The following N4BP2 variants were observed in gnomAD, a reference collection of about 807,000 sequenced individuals.
The protein encoded by N4BP2 is NEDD4 binding protein 2.
N4BP2 carries 91 observed loss-of-function variants against 152.8 expected under a neutral mutation model. The observed-to-expected ratio is 0.60, with a 90% CI of 0.50 to 0.71. The LOEUF is 0.71. Among genes scored for constraint, N4BP2 ranks in the 30% least tolerant of loss-of-function variants. N4BP2 has a pLI of 0.00. For missense variants in N4BP2, 1,923 were observed against 2,059.1 expected (o/e 0.93, Z 1.28); for synonymous variants, 646 against 705.3 (o/e 0.92, Z 1.33).
chr4:40,128,539 G>GTTT (rs11423243), intron 12 of N4BP2, among the ~76,000 whole-genome samples: 3 of 145,082 alleles, frequency 2.1e-5, no homozygotes, highest in East Asian at 4.0e-4. Context: ...TCTTCTTTCT[G>GTTT]TTTTTTTTTT....
At chr4:40,113,825 C>G (rs1317982084) in intron 7 of N4BP2, among the ~76,000 whole-genome samples, 5 of 152,150 alleles carry the variant, frequency 3.3e-5, no homozygotes, top group Admixed American at 6.6e-5. Flanking sequence ...CTCCTGGCCT[C>G]AAGCGATCCT....
rs2109994734 is a variant in N4BP2 at position 40,120,401 on chromosome 4, A to C, written c.2290A>C (p.Lys764Gln). The C allele has an allele frequency of 6.2e-7, 1 of 1,613,914 alleles. No individual in the cohort carries two copies. The highest frequency in any genetic ancestry group is 2.2e-5 in the East Asian group (1 of 44,878). The change falls in exon 9 of 18, where the codon AAA becomes CAA. Residue 764 changes from lysine to glutamine, a missense_variant. Coordinates refer to ENST00000261435, the MANE Select transcript of N4BP2 (RefSeq NM_018177.6). ...EIVEERATVT[K>Q]KAFGKQKSKS... Reference sequence around the variant, plus strand: ...AGTGGAAGAAAGAGCAACAGTAACGAAAAAAGCCTTTGGGAAACAAAAAAG... The same window carrying C: ...AGTGGAAGAAAGAGCAACAGTAACGCAAAAAGCCTTTGGGAAACAAAAAAG...
In N4BP2 at chr4:40,102,191, A is replaced by G. The variant is rs1351911905; in HGVS notation, c.346A>G (p.Ile116Val). The G allele has an allele frequency of 3.1e-6, 5 of 1,614,030 alleles. No individual in the cohort carries two copies. Among genetic ancestry groups the G allele is most frequent in the Non-Finnish European group, 4.2e-6 (5 of 1,179,970 alleles). ...ENQVGAAESKIMEKRPEEESE... is the reference protein window; with the variant it reads ...ENQVGAAESKVMEKRPEEESE... ...CCAAGTAGGTGCAGCAGAAAGTAAA[A>G]TAATGGAAAAACGTCCTGAAGAAGA... The change falls in exon 4 of 18, where the codon ATA (isoleucine) becomes GTA (valine). Residue 116 changes from isoleucine (I) to valine (V), a missense_variant. Physicochemically the swap from Ile to Val is conservative, Grantham distance 29. Coordinates refer to ENST00000261435, the MANE Select transcript of N4BP2 (RefSeq NM_018177.6).
rs1309677054 is a variant in N4BP2 at position 40,060,521 on chromosome 4, A to G, written c.-212+3491A>G. The stretch of plus-strand genomic sequence containing the variant: ...TGCCCTCCCAAAGTGCTGGGATTAC[A>G]GGCATGAGCCACTGTGCCCGGCCGC... On this transcript the variant is annotated intron_variant, in intron 1 of 17. Coordinates refer to ENST00000261435, the MANE Select transcript of N4BP2 (RefSeq NM_018177.6). Among the ~76,000 whole-genome samples, 4 of 152,158 alleles carry G rather than the reference A, an allele frequency of 2.6e-5. No homozygotes were observed. The East Asian group carries it at 7.7e-4, about 29-fold the overall frequency.
chr4:40,131,523 T>C (rs1007188235), intron 12 of N4BP2, among the ~76,000 whole-genome samples: 2 of 152,198 alleles, frequency 1.3e-5, no homozygotes, highest in Non-Finnish European at 2.9e-5. Flanking sequence ...AGTATGTGTA[T>C]ATATATTTAC....
chr4:40,180,752 G>T, the N4BP2 span, among the ~76,000 whole-genome samples: 1 of 152,202 alleles, frequency 6.6e-6, no homozygotes, highest in Admixed American at 6.5e-5. Context: ...AAAGGGTGAG[G>T]TTAATCTATT....
At chr4:40,134,581 C>T (rs1719185698) in intron 13 of N4BP2, among the ~76,000 whole-genome samples, 1 of 152,156 alleles carries the variant, frequency 6.6e-6, no homozygotes, top group Non-Finnish European at 1.5e-5. Flanking sequence ...GGCTGTTTGC[C>T]TCAAACAACA....
rs753274513 is a variant in N4BP2, at chr4:40,121,803, A to G, written c.3692A>G (p.Asn1231Ser). Reference protein sequence around the residue: ...FPSAAVGLKNNNDILPNSQEE... With the variant: ...FPSAAVGLKNSNDILPNSQEE... ...AGTGCTGCTGTGGGTCTAAAGAATA[A>G]TAATGACATACTTCCTAACAGCCAG... Residue 1231 changes from asparagine (N) to serine (S), a missense_variant, in exon 9 of 18, where the codon AAT (asparagine) becomes AGT (serine). By Grantham distance (46) the Asn-to-Ser change is conservative. Transcript: ENST00000261435. The G allele has an allele frequency of 6.2e-6, 10 of 1,614,126 alleles. 1 individual carries two copies. In the South Asian group the frequency reaches 8.8e-5, roughly 14 times the overall value.
At chr4:40,069,937 C>T (rs1005019156) in intron 1 of N4BP2, among the ~76,000 whole-genome samples, 36 of 152,002 alleles carry the variant, frequency 2.4e-4, no homozygotes, top group Admixed American at 9.8e-4. Flanking sequence ...AAAACAAACA[C>T]AACCCCCAAA....
chr4:40,079,453 T>C (rs1713135168), intron 2 of N4BP2, among the ~76,000 whole-genome samples: 1 of 149,262 alleles, frequency 6.7e-6, no homozygotes, highest in Non-Finnish European at 1.5e-5. Context: ...TGTTTATTGG[T>C]ATATCTACTT....
chr4:40,139,584 T>C (rs770713949), intron 14 of N4BP2, among the ~76,000 whole-genome samples: 16 of 148,378 alleles, frequency 1.1e-4, no homozygotes, highest in Non-Finnish European at 1.9e-4. Flanking sequence ...CTGTGCCCTC[T>C]GAGTTCAAGT....
intron 6 of N4BP2, 101 bp downstream of exon 6, chr4:40,112,273 C>A (rs923422729): frequency 1.7e-5 from 12 of 724,102 alleles, no homozygotes; most frequent in Non-Finnish European, 2.6e-5. Context: ...AATCTCAGAA[C>A]CTTGGATAGT....
intron 3 of N4BP2, among the ~76,000 whole-genome samples, chr4:40,098,449 T>A (rs754511706): frequency 3.9e-5 from 6 of 152,186 alleles, no homozygotes; most frequent in Non-Finnish European, 5.9e-5. Flanking sequence ...TGTTTAGAAG[T>A]ATGTAGACAG....
At chr4:40,111,496 T>G (rs980827596) in intron 5 of N4BP2, among the ~76,000 whole-genome samples, 3 of 152,154 alleles carry the variant, frequency 2.0e-5, no homozygotes, top group Admixed American at 6.5e-5. Context: ...AATTTTTGTA[T>G]TTTTAGTGGA....
chr4:40,143,963 C>T lies in N4BP2; in HGVS notation c.4975-669C>T, dbSNP rs540130773. Among the ~76,000 whole-genome samples the T allele has an allele frequency of 5.3e-5, 8 of 152,138 alleles. No individual in the cohort carries two copies. The South Asian group carries it at 1.2e-3, about 24-fold the overall frequency. ...CTGTAAGCTAGAGAACCAAAGAATTCGATAGCATAGCTTAAAGCCAGGAGT... is the reference window on the plus strand; with the variant it reads ...CTGTAAGCTAGAGAACCAAAGAATTTGATAGCATAGCTTAAAGCCAGGAGT... On this transcript the variant is annotated intron_variant, in intron 15 of 17. Transcript: ENST00000261435.
At chr4:40,142,639 C>G in intron 14 of N4BP2, 34 bp from the exon 15 acceptor site, 10 of 1,469,178 alleles carry the variant, frequency 6.8e-6, no homozygotes, top group Non-Finnish European at 8.3e-6. Context: ...TTTTAACTTT[C>G]TGTGTGTGTT....
chr4:40,170,489 C>T, the N4BP2 span, among the ~76,000 whole-genome samples: 3 of 152,104 alleles, frequency 2.0e-5, no homozygotes, highest in East Asian at 3.9e-4. Context: ...TGTGGTGGTG[C>T]GTGCCTTTAG....
chr4:40,143,585 G>A (rs1720247436), intron 15 of N4BP2, among the ~76,000 whole-genome samples: 1 of 152,194 alleles, frequency 6.6e-6, no homozygotes, highest in Non-Finnish European at 1.5e-5. Context: ...ACAAGTGCAA[G>A]GTACTACTTC....
At position 40,120,202 on chromosome 4, in the gene N4BP2, A is replaced by T. The variant is rs148832572; in HGVS notation, c.2091A>T (p.Lys697Asn). The T allele has an allele frequency of 5.6e-6, 9 of 1,613,828 alleles. 1 individual carries two copies. In the African/African-American group the frequency reaches 1.2e-4, roughly 21 times the overall value. ...AAAGCAAACTACAGGCAACAGACAA[A>T]AGTGAAAACGAGCAAATAGAAATGG... Reference protein sequence around the residue: ...DSESKLQATDKSENEQIEMVA... With the variant: ...DSESKLQATDNSENEQIEMVA... Residue 697 changes from lysine to asparagine, a missense_variant, in exon 9 of 18, where the codon AAA becomes AAT. Coordinates refer to ENST00000261435, the MANE Select transcript of N4BP2 (RefSeq NM_018177.6).
Sources: gnomAD v4.1 joint callset for allele counts (sites outside exome capture counted in the v4.1 genomes callset) on GRCh38, gnomAD v4.1.1 for gene constraint, MANE v1.5 for transcripts, NCBI Gene and HGNC (gene_info 2026-07-23, HGNC 2026-07-21) for gene names.